Variants in SYN2 observed in about 807,000 individuals in gnomAD.
SYN2 encodes the protein synapsin II.
Under a neutral mutation model 50.9 loss-of-function variants are expected in SYN2, and 19 were observed. The observed-to-expected ratio is 0.37, with a 90% CI of 0.26 to 0.55. The LOEUF (loss-of-function observed/expected upper bound fraction) is 0.55, where lower values mean the gene tolerates loss of function less well. Among genes scored for constraint, SYN2 ranks in the 20% least tolerant of loss-of-function variants. The pLI is 0.81. For synonymous variants in SYN2, 255 were observed against 224.9 expected (o/e 1.13, Z -1.20); for missense variants, 587 against 576.4 (o/e 1.02, Z -0.19).
chr3:12,167,134 T>C, intron 7 of SYN2, 100 bp from the exon 8 acceptor site: 1 of 1,183,418 alleles, frequency 8.5e-7, no homozygotes, highest in Non-Finnish European at 1.2e-6. Context: ...GAGAAGCAGG[T>C]GTGGAAAGCA....
At chr3:12,026,471 A>T (rs1044145129) in intron 1 of SYN2, among the ~76,000 whole-genome samples, 3 of 152,174 alleles carry the variant, frequency 2.0e-5, no homozygotes, top group African/African-American at 4.8e-5. Flanking sequence ...AGAAGGGGCT[A>T]TAATTAATTT....
At chr3:12,051,459 G>C (rs1208597624) in intron 1 of SYN2, among the ~76,000 whole-genome samples, 3 of 147,778 alleles carry the variant, frequency 2.0e-5, no homozygotes, top group South Asian at 2.2e-4. Context: ...TGGTCTTCTA[G>C]TTTTGGGTCG....
At chr3:12,179,959 A>AT (rs1195839096) in intron 10 of SYN2, among the ~76,000 whole-genome samples, 1 of 151,976 alleles carries the variant, frequency 6.6e-6, no homozygotes, top group African/African-American at 2.4e-5. Flanking sequence ...TTATTTATAT[A>AT]TTTTTTTGAG....
chr3:12,161,131 G>A (rs1697636457), intron 5 of SYN2, among the ~76,000 whole-genome samples: 1 of 152,182 alleles, frequency 6.6e-6, no homozygotes, highest in African/African-American at 2.4e-5. Flanking sequence ...TGCTGACAGG[G>A]ACATCAAGAT....
intron 1 of SYN2, 53 bp from the exon 2 acceptor site, chr3:12,140,598 G>T: frequency 1.4e-6 from 1 of 722,834 alleles, no homozygotes; most frequent in South Asian, 1.5e-5. Context: ...GTAAATGTCT[G>T]ACTTTAAATA....
chr3:12,181,987 A>G (rs1169242391), intron 10 of SYN2, among the ~76,000 whole-genome samples: 1 of 152,182 alleles, frequency 6.6e-6, no homozygotes, highest in Non-Finnish European at 1.5e-5. Flanking sequence ...GTTGAGGGTT[A>G]TGGTAGAATG....
chr3:12,063,940 G>A (rs1695161479), intron 1 of SYN2, among the ~76,000 whole-genome samples: 1 of 151,972 alleles, frequency 6.6e-6, no homozygotes, highest in Non-Finnish European at 1.5e-5. Flanking sequence ...TTAAGTGTGA[G>A]CTGTGCATAG....
chr3:12,156,257 A>C (rs888049105), intron 5 of SYN2, among the ~76,000 whole-genome samples: 1 of 152,208 alleles, frequency 6.6e-6, no homozygotes, highest in African/African-American at 2.4e-5. Context: ...CTTCCCTGAT[A>C]GTTCACAACT....
At chr3:12,164,152 A>T (rs1204718285) in intron 7 of SYN2, among the ~76,000 whole-genome samples, 2 of 152,318 alleles carry the variant, frequency 1.3e-5, no homozygotes, top group East Asian at 3.9e-4. Flanking sequence ...AAAAATATAT[A>T]CCTTCAGGCA....
chr3:12,135,938 A>G (rs551795417), intron 1 of SYN2, among the ~76,000 whole-genome samples: 1 of 152,370 alleles, frequency 6.6e-6, no homozygotes, highest in Admixed American at 6.5e-5. Context: ...AGACATAATC[A>G]GTATTTAAAA....
At position 12,190,501 on chromosome 3, in the gene SYN2, C is replaced by A. The variant is rs754831383; in HGVS notation, c.1625C>A (p.Ser542Tyr). Residue 542 changes from serine (S) to tyrosine (Y), a missense_variant, in exon 13 of 13, where the codon TCC becomes TAC. Ser to Tyr is a moderately radical substitution (Grantham distance 144). Transcript: ENST00000621198. The stretch of plus-strand genomic sequence containing the variant: ...TTTTTATCTTCAAGCAAGTCGCAGT[C>A]CCTGACAAATGCCTTCAGCTTCTCT... ...QPHPQLNKSQ[S>Y]LTNAFSFSES... The A allele has an allele frequency of 1.9e-6, 3 of 1,613,834 alleles. No individual in the cohort carries two copies. Among genetic ancestry groups the A allele is most frequent in the Non-Finnish European group, 2.5e-6 (3 of 1,179,834 alleles).
At chr3:12,085,153 T>TG (rs1695667068) in intron 1 of SYN2, among the ~76,000 whole-genome samples, 1 of 150,854 alleles carries the variant, frequency 6.6e-6, no homozygotes, top group African/African-American at 2.4e-5. Context: ...CTCACTTCAC[T>TG]GTTAAGGACA....
intron 1 of SYN2, among the ~76,000 whole-genome samples, chr3:12,046,865 C>G (rs1461768540): frequency 6.6e-6 from 1 of 151,988 alleles, no homozygotes; most frequent in African/African-American, 2.4e-5. Flanking sequence ...TTTACTGATA[C>G]GAGGAACATT....
At chr3:12,158,525 C>G in intron 5 of SYN2, 1 of 857,206 alleles carries the variant, frequency 1.2e-6, no homozygotes, top group Middle Eastern at 2.3e-4. Flanking sequence ...CAGTCAGGTT[C>G]TGGGCTTGCA....
intron 1 of SYN2, among the ~76,000 whole-genome samples, chr3:12,077,509 C>A (rs895442262): frequency 1.3e-5 from 2 of 151,820 alleles, no homozygotes; most frequent in Non-Finnish European, 2.9e-5. Flanking sequence ...TGTGGTGTTC[C>A]CCTCCCTGTG....
At chr3:12,085,379 ACGCACG>A (rs150324616) in intron 1 of SYN2, among the ~76,000 whole-genome samples, 23 of 130,648 alleles carry the variant, frequency 1.8e-4, no homozygotes, top group South Asian at 4.9e-4. Context: ...ACACACACAC[ACGCACG>A]CACGCACGCA....
At chr3:12,091,802 G>A (rs1418543634) in intron 1 of SYN2, among the ~76,000 whole-genome samples, 2 of 152,160 alleles carry the variant, frequency 1.3e-5, no homozygotes, top group African/African-American at 2.4e-5. Flanking sequence ...TTGGAATAGA[G>A]GGTTTGACCA....
chr3:12,066,000 A>G (rs1695210039), intron 1 of SYN2, among the ~76,000 whole-genome samples: 4 of 152,198 alleles, frequency 2.6e-5, no homozygotes, highest in Admixed American at 1.3e-4. Flanking sequence ...ATGAGGCATT[A>G]GGAGGTGACT....
intron 1 of SYN2, among the ~76,000 whole-genome samples, chr3:12,099,411 T>C (rs1212818696): frequency 1.3e-5 from 2 of 151,994 alleles, no homozygotes; most frequent in Admixed American, 1.3e-4. Flanking sequence ...AGAAGGAAAT[T>C]TGAGAAATTC....
Sources: gnomAD v4.1 joint callset for allele counts (sites outside exome capture counted in the v4.1 genomes callset) on GRCh38, gnomAD v4.1.1 for gene constraint, MANE v1.5 for transcripts, NCBI Gene and HGNC (gene_info 2026-07-23, HGNC 2026-07-21) for gene names.